The following RALGPS1 variants were observed in gnomAD, a reference collection of about 807,000 sequenced individuals.
The protein encoded by RALGPS1 is ras-specific guanine nucleotide-releasing factor RalGPS1.
A neutral mutation model predicts 78.8 loss-of-function variants in RALGPS1; 19 were observed. The observed-to-expected ratio is 0.24, with a 90% CI of 0.17 to 0.35. The LOEUF is 0.35. Ranked by LOEUF, RALGPS1 falls within the 10% of genes least tolerant of loss-of-function variation. RALGPS1 has a pLI of 1.00. For synonymous variants in RALGPS1, 228 were observed against 256.3 expected (o/e 0.89, Z 1.06); for missense variants, 454 against 688.3 (o/e 0.66, Z 3.81).
At chr9:127,147,271 T>A (rs1268603249) in intron 8 of RALGPS1, among the ~76,000 whole-genome samples, 1 of 152,212 alleles carries the variant, frequency 6.6e-6, no homozygotes, top group Non-Finnish European at 1.5e-5. Flanking sequence ...ATAGATTGGT[T>A]ATTAGGTCTT....
intron 8 of RALGPS1, among the ~76,000 whole-genome samples, chr9:127,158,642 T>C (rs1236467386): frequency 6.6e-6 from 1 of 152,154 alleles, no homozygotes; most frequent in Non-Finnish European, 1.5e-5. Flanking sequence ...AAATTCATTA[T>C]TTATGCTTTT....
At chr9:127,034,535 G>T (rs1212738167) in intron 5 of RALGPS1, 21 bp downstream of exon 5, 2 of 1,604,842 alleles carry the variant, frequency 1.2e-6, no homozygotes, top group Non-Finnish European at 1.7e-6. Context: ...CCCCTTGCAT[G>T]TGCCTATCCA....
intron 8 of RALGPS1, chr9:127,088,576 A>T (rs927969003): frequency 3.6e-6 from 1 of 276,706 alleles, no homozygotes; most frequent in African/African-American, 2.2e-5. Flanking sequence ...ATCTAAATGC[A>T]TATATATGTG....
At chr9:127,139,323 G>A (rs752531827) in intron 8 of RALGPS1, among the ~76,000 whole-genome samples, 7 of 152,324 alleles carry the variant, frequency 4.6e-5, no homozygotes, top group South Asian at 4.1e-4. Context: ...TGCCAGGTCC[G>A]AGGCAGACTC....
At chr9:127,025,903 C>T (rs1209254446) in intron 4 of RALGPS1, among the ~76,000 whole-genome samples, 2 of 151,858 alleles carry the variant, frequency 1.3e-5, no homozygotes, top group Non-Finnish European at 2.9e-5. Context: ...CAGGGTTGCA[C>T]TATATTGCCA....
intron 4 of RALGPS1, among the ~76,000 whole-genome samples, chr9:127,012,185 TC>T (rs1485048688): frequency 6.6e-6 from 1 of 152,216 alleles, no homozygotes; most frequent in East Asian, 1.9e-4. Flanking sequence ...ACTGGCTTTT[TC>T]TTCAGTGGAA....
At chr9:126,990,606 C>A (rs2133191864) in intron 4 of RALGPS1, among the ~76,000 whole-genome samples, 1 of 152,378 alleles carries the variant, frequency 6.6e-6, no homozygotes, top group Middle Eastern at 3.4e-3. Context: ...GTGCCCTCTG[C>A]CGGGAATGCT....
At chr9:127,060,825 C>T (rs930316204) in intron 7 of RALGPS1, among the ~76,000 whole-genome samples, 1 of 152,234 alleles carries the variant, frequency 6.6e-6, no homozygotes, top group African/African-American at 2.4e-5. Context: ...TGCCATCGCT[C>T]CTTCAGAGCA....
At chr9:127,199,158 C>A in intron 14 of RALGPS1, 92 bp downstream of exon 14, 1 of 1,163,960 alleles carries the variant, frequency 8.6e-7, no homozygotes, top group South Asian at 1.2e-5. Flanking sequence ...CGGGCCCTGC[C>A]CCACCCACCC....
At chr9:127,198,875 A>T in intron 13 of RALGPS1, 140 bp from the exon 14 acceptor site, 1 of 764,510 alleles carries the variant, frequency 1.3e-6, no homozygotes. Flanking sequence ...CAAAAACTCG[A>T]GTACGTTGAG....
At chr9:127,153,924 T>C (rs1218015505) in intron 8 of RALGPS1, among the ~76,000 whole-genome samples, 1 of 151,974 alleles carries the variant, frequency 6.6e-6, no homozygotes, top group African/African-American at 2.4e-5. Flanking sequence ...GTCCAGAGGG[T>C]CAAGTTTCTT....
intron 14 of RALGPS1, among the ~76,000 whole-genome samples, chr9:127,210,953 G>A (rs1173993754): frequency 6.6e-6 from 1 of 152,250 alleles, no homozygotes; most frequent in African/African-American, 2.4e-5. Context: ...TCAGGAAGAG[G>A]AGGGGGAGCT....
intron 4 of RALGPS1, among the ~76,000 whole-genome samples, chr9:127,027,757 G>A (rs1277294680): frequency 6.6e-6 from 1 of 152,196 alleles, no homozygotes; most frequent in African/African-American, 2.4e-5. Flanking sequence ...GTCTCAGATT[G>A]TTGTGAGTTC....
chr9:127,210,323 G>C (rs970579371), intron 14 of RALGPS1, among the ~76,000 whole-genome samples: 1 of 152,236 alleles, frequency 6.6e-6, no homozygotes, highest in South Asian at 2.1e-4. Flanking sequence ...CACTTTTCAC[G>C]TGGACTTGCC....
At chr9:127,159,960 A>G (rs1162289373) in intron 8 of RALGPS1, among the ~76,000 whole-genome samples, 1 of 152,218 alleles carries the variant, frequency 6.6e-6, no homozygotes, top group Non-Finnish European at 1.5e-5. Flanking sequence ...TAAGATGGAA[A>G]TGTGGCACAT....
chr9:126,974,698 A>G (rs976747822), intron 3 of RALGPS1, among the ~76,000 whole-genome samples: 3 of 152,154 alleles, frequency 2.0e-5, no homozygotes, highest in Non-Finnish European at 4.4e-5. Context: ...ATTTCTCAAA[A>G]TAAGGATAGG....
At chr9:127,009,063 C>T (rs1564409213) in intron 4 of RALGPS1, among the ~76,000 whole-genome samples, 1 of 152,250 alleles carries the variant, frequency 6.6e-6, no homozygotes, top group African/African-American at 2.4e-5. Context: ...CCATTTTTCA[C>T]TGCACCACAG....
intron 8 of RALGPS1, among the ~76,000 whole-genome samples, chr9:127,144,490 A>G (rs762660226): frequency 2.0e-5 from 3 of 152,232 alleles, no homozygotes; most frequent in African/African-American, 7.2e-5. Flanking sequence ...TGACCCAGCA[A>G]TTGTACTCAG....
chr9:126,999,860 C>T (rs1474432290), intron 4 of RALGPS1, among the ~76,000 whole-genome samples: 1 of 152,204 alleles, frequency 6.6e-6, no homozygotes, highest in African/African-American at 2.4e-5. Context: ...ATAGCTAGAT[C>T]ATTGTGGAAA....
Sources: gnomAD v4.1 joint callset for allele counts (sites outside exome capture counted in the v4.1 genomes callset) on GRCh38, gnomAD v4.1.1 for gene constraint, MANE v1.5 for transcripts, NCBI Gene and HGNC (gene_info 2026-07-23, HGNC 2026-07-21) for gene names.